AGBL4: variants seen among roughly 807,000 people sequenced by gnomAD.
AGBL4 encodes cytosolic carboxypeptidase 6.
In AGBL4, 58 loss-of-function variants were observed where a neutral mutation model predicts 66.4. The observed-to-expected ratio is 0.87, with a 90% confidence interval of 0.71 to 1.09. The LOEUF (loss-of-function observed/expected upper bound fraction) is 1.09. AGBL4 is among the 50% of genes least tolerant of loss of function. The probability of loss-of-function intolerance (pLI) is 0.00; values close to 1 mark genes in which losing one functional copy is unlikely to be tolerated. For synonymous variants in AGBL4, 234 were observed against 222.9 expected (o/e 1.05, Z -0.44); for missense variants, 579 against 631.0 (o/e 0.92, Z 0.88).
At chr1:49,066,627 G>A (rs1020507390) in intron 4 of AGBL4, among the ~76,000 whole-genome samples, 5 of 152,184 alleles carry the variant, frequency 3.3e-5, no homozygotes, top group Admixed American at 6.5e-5. Flanking sequence ...TTGCGAATGC[G>A]TATTTTGAGA....
At chr1:49,688,780 G>A (rs1558163873) in intron 3 of AGBL4, among the ~76,000 whole-genome samples, 1 of 152,082 alleles carries the variant, frequency 6.6e-6, no homozygotes, top group Admixed American at 6.6e-5. Flanking sequence ...ACTGAGATGA[G>A]ATGATATCTA....
chr1:49,261,669 C>G lies in AGBL4; in HGVS notation c.283-15805G>C, dbSNP rs1412514060. Among the ~76,000 whole-genome samples, 25 of 151,866 alleles carry G rather than the reference C, an allele frequency of 1.6e-4. No homozygotes were observed. The East Asian group carries it at 2.7e-3, about 16-fold the overall frequency. ...TTAATGAAATAAAAGAGGATACAAA[C>G]AAATGGAAGAACATTCCATGCTCAT... On this transcript the variant is annotated intron_variant, in intron 3 of 13. Coordinates refer to ENST00000371839, the MANE Select transcript of AGBL4 (RefSeq NM_032785.4).
intron 2 of AGBL4, among the ~76,000 whole-genome samples, chr1:49,706,260 T>G (rs1171241864): frequency 6.6e-6 from 1 of 152,206 alleles, no homozygotes; most frequent in Non-Finnish European, 1.5e-5. Context: ...ATCTGACTTC[T>G]TCCTGGTTTA....
intron 3 of AGBL4, among the ~76,000 whole-genome samples, chr1:49,673,375 G>C (rs1464467750): frequency 6.6e-6 from 1 of 152,130 alleles, no homozygotes; most frequent in Non-Finnish European, 1.5e-5. Flanking sequence ...TCATAAGGTA[G>C]CTCAATTTTT....
intron 5 of AGBL4, among the ~76,000 whole-genome samples, chr1:49,009,761 G>C (rs926974339): frequency 1.3e-5 from 2 of 151,602 alleles, no homozygotes; most frequent in Non-Finnish European, 2.9e-5. Flanking sequence ...CATATAAACA[G>C]AGCCAAAGAC....
At chr1:48,754,272 T>C (rs1652191155) in intron 6 of AGBL4, among the ~76,000 whole-genome samples, 1 of 152,172 alleles carries the variant, frequency 6.6e-6, no homozygotes, top group Non-Finnish European at 1.5e-5. Context: ...ACTGGGTCTC[T>C]ATTGTTCTGC....
chr1:49,403,251 CTT>C (rs1309191048), intron 3 of AGBL4, among the ~76,000 whole-genome samples: 2 of 152,088 alleles, frequency 1.3e-5, no homozygotes, highest in South Asian at 2.1e-4. Context: ...TTTGTTGCCT[CTT>C]ATCTTTTTCT....
intron 3 of AGBL4, among the ~76,000 whole-genome samples, chr1:49,695,900 A>T (rs572682784): frequency 6.6e-6 from 1 of 152,084 alleles, no homozygotes; most frequent in African/African-American, 2.4e-5. Flanking sequence ...CATGCCAGGA[A>T]TAATATTGTA....
At chr1:49,233,053 A>G (rs1650448989) in intron 4 of AGBL4, among the ~76,000 whole-genome samples, 1 of 152,114 alleles carries the variant, frequency 6.6e-6, no homozygotes, top group South Asian at 2.1e-4. Flanking sequence ...TTTCCCAATT[A>G]CAATGTACAC....
At chr1:48,959,815 C>A (rs1298363524) in intron 5 of AGBL4, among the ~76,000 whole-genome samples, 1 of 152,134 alleles carries the variant, frequency 6.6e-6, no homozygotes, top group Non-Finnish European at 1.5e-5. Flanking sequence ...GCAGAGTAAT[C>A]AAGTGAGAGG....
At chr1:49,908,396 T>C (rs916626928) in intron 1 of AGBL4, among the ~76,000 whole-genome samples, 3 of 152,140 alleles carry the variant, frequency 2.0e-5, no homozygotes, top group African/African-American at 2.4e-5. Context: ...GAGTGAGTTA[T>C]TGCAAGATCT....
chr1:48,859,382 C>T (rs1647295697), intron 6 of AGBL4, among the ~76,000 whole-genome samples: 1 of 152,192 alleles, frequency 6.6e-6, no homozygotes. Flanking sequence ...AGCTTATTTT[C>T]CACACTGGTT....
chr1:49,671,850 G>A (rs541619578), intron 3 of AGBL4, among the ~76,000 whole-genome samples: 13 of 152,212 alleles, frequency 8.5e-5, no homozygotes, highest in Middle Eastern at 3.4e-3. Context: ...TATTGGTGAG[G>A]TTGCAGAGAA....
At chr1:48,675,152 C>G (rs568366854) in intron 6 of AGBL4, among the ~76,000 whole-genome samples, 3 of 152,178 alleles carry the variant, frequency 2.0e-5, no homozygotes, top group Non-Finnish European at 4.4e-5. Context: ...CAGACCCCCC[C>G]GCCACACCCA....
At chr1:49,677,497 T>C (rs1646603566) in intron 3 of AGBL4, among the ~76,000 whole-genome samples, 1 of 152,136 alleles carries the variant, frequency 6.6e-6, no homozygotes, top group Admixed American at 6.6e-5. Context: ...AAATTCTCTT[T>C]ACAAATATTT....
chr1:49,013,484 T>C lies in AGBL4; in HGVS notation c.594+32100A>G, dbSNP rs573082545. Among the ~76,000 whole-genome samples, 44 of 152,318 alleles carry C rather than the reference T, an allele frequency of 2.9e-4. 2 individuals are homozygous for C. In the South Asian group the frequency reaches 8.5e-3, roughly 29 times the overall value. ...GATACTCCTTCAGGAGCCCTTTATT[T>C]TACAAAGTTGGAAGGAACGGGGCTT... On this transcript the variant is annotated intron_variant, in intron 5 of 13. Transcript: ENST00000371839.
chr1:49,432,237 T>A (rs1645803735), intron 3 of AGBL4, among the ~76,000 whole-genome samples: 1 of 152,168 alleles, frequency 6.6e-6, no homozygotes, highest in Non-Finnish European at 1.5e-5. Context: ...AAGAAGTTAA[T>A]TACTAATGTC....
At chr1:49,281,498 T>G (rs1462757573) in intron 3 of AGBL4, among the ~76,000 whole-genome samples, 1 of 152,166 alleles carries the variant, frequency 6.6e-6, no homozygotes. Context: ...TGCTCAGACA[T>G]GCAGAAGGAG....
At chr1:49,358,748 C>T (rs925818825) in intron 3 of AGBL4, among the ~76,000 whole-genome samples, 5 of 152,062 alleles carry the variant, frequency 3.3e-5, no homozygotes, top group African/African-American at 1.2e-4. Context: ...CAGTGTCTGA[C>T]ATAGGAAGCT....
Sources: allele counts gnomAD v4.1 joint callset (sites outside exome capture counted in the v4.1 genomes callset), GRCh38; gene constraint gnomAD v4.1.1; transcripts MANE v1.5; gene names NCBI Gene and HGNC (gene_info 2026-07-23, HGNC 2026-07-21).